Variants in RNF38 observed in about 807,000 individuals in gnomAD.
The protein encoded by RNF38 is E3 ubiquitin-protein ligase RNF38.
In RNF38, 15 loss-of-function variants were observed where a neutral mutation model predicts 67.2. The observed-to-expected ratio is 0.22, with a 90% CI of 0.15 to 0.34. RNF38 has a LOEUF of 0.34. RNF38 is among the 10% of genes least tolerant of loss of function. RNF38 has a pLI of 1.00. For missense variants in RNF38, 524 were observed against 639.9 expected (o/e 0.82, Z 1.95); for synonymous variants, 220 against 218.8 (o/e 1.01, Z -0.05).
chr9:36,374,141 AC>A (rs1835601321), intron 3 of RNF38, among the ~76,000 whole-genome samples: 1 of 152,208 alleles, frequency 6.6e-6, no homozygotes, highest in South Asian at 2.1e-4. Context: ...ATACTATCTT[AC>A]CTAAAAACAT....
chr9:36,381,600 A>G (rs570595047), intron 2 of RNF38, among the ~76,000 whole-genome samples: 4 of 152,224 alleles, frequency 2.6e-5, no homozygotes, highest in Non-Finnish European at 4.4e-5. Context: ...AGACTTTCTT[A>G]TAAGATTCCC....
chr9:36,409,973 T>C (rs1227390262), intron 2 of RNF38, among the ~76,000 whole-genome samples: 1 of 152,240 alleles, frequency 6.6e-6, no homozygotes, highest in Non-Finnish European at 1.5e-5. Flanking sequence ...CCTGGCTTGC[T>C]TGTTCCTGTT....
chr9:36,389,883 T>C (rs765200917), intron 2 of RNF38, among the ~76,000 whole-genome samples: 7 of 152,216 alleles, frequency 4.6e-5, no homozygotes, highest in Non-Finnish European at 1.0e-4. Context: ...TCTAGGAATA[T>C]GGATTGAAAG....
chr9:36,351,040 G>A, intron 9 of RNF38, 75 bp downstream of exon 9: 1 of 1,072,020 alleles, frequency 9.3e-7, no homozygotes. Context: ...GACACCTGTG[G>A]TTTAAAGAGT....
At chr9:36,365,664 T>TTG (rs1554681811) in intron 4 of RNF38, among the ~76,000 whole-genome samples, 3 of 137,588 alleles carry the variant, frequency 2.2e-5, no homozygotes, top group Non-Finnish European at 3.2e-5. Context: ...GACTGATAGT[T>TTG]TTTTTTTTTT....
At chr9:36,369,617 G>GT in intron 4 of RNF38, 102 bp downstream of exon 4, 1 of 877,668 alleles carries the variant, frequency 1.1e-6, no homozygotes, top group Non-Finnish European at 1.8e-6. Flanking sequence ...TTCATTTTAG[G>GT]TAAAAACTAA....
At chr9:36,484,167 T>C (rs1361344264) in intron 1 of RNF38, among the ~76,000 whole-genome samples, 2 of 152,202 alleles carry the variant, frequency 1.3e-5, no homozygotes, top group Non-Finnish European at 2.9e-5. Context: ...GGTCCCTCCC[T>C]ACACCTGATA....
chr9:36,340,463 AG>A (rs1224330039), intron 11 of RNF38, among the ~76,000 whole-genome samples: 1 of 152,194 alleles, frequency 6.6e-6, no homozygotes, highest in Non-Finnish European at 1.5e-5. Context: ...AGCTCACTAC[AG>A]ACTTGAACTC....
intron 3 of RNF38, among the ~76,000 whole-genome samples, chr9:36,370,576 C>A (rs190776153): frequency 6.6e-6 from 1 of 152,098 alleles, no homozygotes; most frequent in Non-Finnish European, 1.5e-5. Context: ...TGGGTGCACA[C>A]AAGGTATATA....
At chr9:36,382,535 T>C (rs757631457) in intron 2 of RNF38, among the ~76,000 whole-genome samples, 4 of 152,294 alleles carry the variant, frequency 2.6e-5, no homozygotes, top group South Asian at 2.1e-4. Context: ...ATGTAATATA[T>C]ATCTTGGGTT....
chr9:36,407,273 A>G (rs570755054), intron 2 of RNF38, among the ~76,000 whole-genome samples: 23 of 152,278 alleles, frequency 1.5e-4, no homozygotes, highest in Admixed American at 6.5e-4. Flanking sequence ...AAAGCCTCCC[A>G]TATTATATAG....
At chr9:36,407,466 G>A (rs1436424517) in intron 2 of RNF38, among the ~76,000 whole-genome samples, 1 of 152,180 alleles carries the variant, frequency 6.6e-6, no homozygotes, top group African/African-American at 2.4e-5. Context: ...GAGTTCAAAT[G>A]AAGAAACCTA....
At chr9:36,393,522 T>TGTGTGTGTGTGG (rs57164047) in intron 1 of RNF38, among the ~76,000 whole-genome samples, 5 of 124,498 alleles carry the variant, frequency 4.0e-5, no homozygotes, top group South Asian at 2.4e-4. Flanking sequence ...TGTGTGTGTG[T>TGTGTGTGTGTGG]GGGGCAGGCA....
At chr9:36,389,842 G>A (rs916133597) in intron 2 of RNF38, among the ~76,000 whole-genome samples, 4 of 152,152 alleles carry the variant, frequency 2.6e-5, no homozygotes, top group South Asian at 2.1e-4. Context: ...TGGTAACAGC[G>A]ATACTGACTT....
At chr9:36,369,004 G>T (rs1835174622) in intron 4 of RNF38, among the ~76,000 whole-genome samples, 1 of 151,946 alleles carries the variant, frequency 6.6e-6, no homozygotes, top group South Asian at 2.1e-4. Flanking sequence ...GTTCTTGGCA[G>T]AAAGAAAAGG....
At chr9:36,360,577 G>GT (rs1341952102) in intron 4 of RNF38, among the ~76,000 whole-genome samples, 6 of 152,124 alleles carry the variant, frequency 3.9e-5, no homozygotes, top group Admixed American at 3.9e-4. Context: ...TGCTCAAAAA[G>GT]TTAGATTTTA....
At chr9:36,466,154 A>G (rs1202566413) in intron 1 of RNF38, among the ~76,000 whole-genome samples, 1 of 152,252 alleles carries the variant, frequency 6.6e-6, no homozygotes, top group African/African-American at 2.4e-5. Context: ...TACTGTTCAT[A>G]AAAGTGCAAA....
At chr9:36,416,070 C>T (rs1268063203) in intron 2 of RNF38, among the ~76,000 whole-genome samples, 1 of 151,326 alleles carries the variant, frequency 6.6e-6, no homozygotes, top group African/African-American at 2.4e-5. Context: ...ATAGAGCTCT[C>T]AAGATATTAT....
chr9:36,374,781 T>C (rs1835664448), intron 3 of RNF38, among the ~76,000 whole-genome samples: 1 of 152,164 alleles, frequency 6.6e-6, no homozygotes, highest in African/African-American at 2.4e-5. Context: ...CCCGGCGCAT[T>C]GCTTCTTAAA....
Sources: gnomAD v4.1 joint callset for allele counts (sites outside exome capture counted in the v4.1 genomes callset) on GRCh38, gnomAD v4.1.1 for gene constraint, MANE v1.5 for transcripts, NCBI Gene and HGNC (gene_info 2026-07-23, HGNC 2026-07-21) for gene names.